The following WRN variants were observed in gnomAD, a reference collection of about 807,000 sequenced individuals.
WRN encodes WRN RecQ like helicase.
Under a neutral mutation model 180.7 loss-of-function variants are expected in WRN, and 149 were observed. That is an observed-to-expected ratio of 0.82 (90% CI 0.72 to 0.94). WRN has a LOEUF of 0.94. WRN is among the 40% of genes least tolerant of loss of function. The pLI is 0.00. For missense variants in WRN, 1,661 were observed against 1,700.1 expected (o/e 0.98, Z 0.40); for synonymous variants, 548 against 568.9 (o/e 0.96, Z 0.52).
intron 3 of WRN, 110 bp from the exon 4 acceptor site, chr8:31,064,179 G>C: frequency 8.1e-7 from 1 of 1,236,872 alleles, no homozygotes; most frequent in Non-Finnish European, 1.1e-6. Flanking sequence ...ATGTGCTCCA[G>C]ATAACTTGAA....
At chr8:31,118,242 G>T (rs1216939345) in intron 20 of WRN, among the ~76,000 whole-genome samples, 1 of 152,064 alleles carries the variant, frequency 6.6e-6, no homozygotes, top group African/African-American at 2.4e-5. Context: ...AAGAGTATAT[G>T]CATGTATGTG....
At chr8:31,090,693 C>T in intron 14 of WRN, 141 bp from the exon 15 acceptor site, 1 of 1,041,058 alleles carries the variant, frequency 9.6e-7, no homozygotes, top group Admixed American at 2.5e-5. Flanking sequence ...ATTTATGTAT[C>T]AATTAGCTTT....
intron 12 of WRN, 76 bp from the exon 13 acceptor site, chr8:31,088,814 A>G (rs1330043768): frequency 4.9e-6 from 6 of 1,236,640 alleles, no homozygotes; most frequent in Admixed American, 2.0e-5. Flanking sequence ...AAAGAAGCCA[A>G]TGAAATAAAC....
chr8:31,138,389 A>G (rs949051116), intron 24 of WRN, among the ~76,000 whole-genome samples: 6 of 152,202 alleles, frequency 3.9e-5, no homozygotes, highest in Non-Finnish European at 5.9e-5. Context: ...AATGATTACT[A>G]TAATGAAACT....
At position 31,039,257 on chromosome 8, in the gene WRN, A is replaced by G. The variant is rs145903525; in HGVS notation, c.-77+5284A>G. Among the ~76,000 whole-genome samples the G allele has an allele frequency of 2.1e-3, 318 of 152,308 alleles. 2 individuals carry two copies. The highest frequency in any genetic ancestry group is 0.01 in the Middle Eastern group (3 of 294). On this transcript the variant is annotated intron_variant, in intron 1 of 34. Transcript: ENST00000298139. ...TTAATTTCTTTCAGCAGCATTCTGT[A>G]GTTTTCAGAGTACACGTTTTTCACC...
chr8:31,130,036 A>AAAAAAAG (rs1585498296), intron 23 of WRN, among the ~76,000 whole-genome samples: 7 of 149,586 alleles, frequency 4.7e-5, no homozygotes, highest in African/African-American at 1.5e-4. Context: ...AAAAAAAAAA[A>AAAAAAAG]CTAGTAAGAG....
rs200890995 is a variant in WRN at position 31,169,250 on chromosome 8, GTATT to G, written c.4191+2026_4191+2029del. On this transcript the variant is annotated intron_variant, in intron 34 of 34. Coordinates refer to ENST00000298139, the MANE Select transcript of WRN (RefSeq NM_000553.6). ...CTTCTATTTCTCTTTTAACATAATT[GTATT>G]TATTTCTGTATTCCACATAGCTTAG... Among the ~76,000 whole-genome samples, 57 of 148,742 alleles carry G rather than the reference GTATT, an allele frequency of 3.8e-4. No individual in the cohort carries two copies. The East Asian group carries it at 0.011, about 28-fold the overall frequency.
intron 8 of WRN, among the ~76,000 whole-genome samples, chr8:31,078,503 AATC>A (rs1427481629): frequency 6.6e-6 from 1 of 152,218 alleles, no homozygotes; most frequent in Non-Finnish European, 1.5e-5. Context: ...GTAAATAAGT[AATC>A]ATATTCACAT....
At chr8:31,171,746 C>T (rs1382702855) in intron 34 of WRN, among the ~76,000 whole-genome samples, 1 of 152,178 alleles carries the variant, frequency 6.6e-6, no homozygotes, top group African/African-American at 2.4e-5. Flanking sequence ...GGATCTTTTG[C>T]TGTTTTCCTA....
chr8:31,113,278 T>A (rs544670511), intron 19 of WRN, among the ~76,000 whole-genome samples: 1 of 151,500 alleles, frequency 6.6e-6, no homozygotes, highest in South Asian at 2.1e-4. Context: ...AAGAACATCA[T>A]TGGTGTTTTC....
chr8:31,163,738 C>G (rs1055214789), intron 33 of WRN, among the ~76,000 whole-genome samples: 1 of 151,914 alleles, frequency 6.6e-6, no homozygotes, highest in Non-Finnish European at 1.5e-5. Context: ...AAAAACTTAT[C>G]CTTCGGTTAA....
chr8:31,103,264 CTA>C, intron 18 of WRN, among the ~76,000 whole-genome samples: 1 of 152,136 alleles, frequency 6.6e-6, no homozygotes, highest in African/African-American at 2.4e-5. Flanking sequence ...GGAGTATACT[CTA>C]AAATAATGGA....
chr8:31,131,347 G>T (rs576689702), intron 23 of WRN, among the ~76,000 whole-genome samples: 2 of 151,940 alleles, frequency 1.3e-5, no homozygotes, highest in South Asian at 4.2e-4. Flanking sequence ...GTAGAGATGG[G>T]TTTTCACCAT....
intron 33 of WRN, among the ~76,000 whole-genome samples, chr8:31,159,342 G>A (rs2737344): frequency 0.71 from 107,541 of 151,140 alleles, 38,548 homozygotes; most frequent in East Asian, 0.89. Flanking sequence ...AGACGCTGGG[G>A]ACTACTGAGG....
intron 27 of WRN, among the ~76,000 whole-genome samples, chr8:31,143,171 A>G (rs1181591000): frequency 6.6e-6 from 1 of 152,136 alleles, no homozygotes; most frequent in African/African-American, 2.4e-5. Context: ...ATCCACTGGC[A>G]GACTTCAGCT....
At position 31,054,528 on chromosome 8, in the gene WRN, C is replaced by G. The variant is rs572621238; in HGVS notation, c.-76-3844C>G. On this transcript the variant is annotated intron_variant, in intron 1 of 34. Transcript: ENST00000298139. ...CATGAGCCACTGTGCCTGGCCAAAA[C>G]CAAAATTAAGCAACAAAACAACAAC... 3.3e-5 allele frequency among the ~76,000 whole-genome samples: 5 copies of G among 151,914 alleles called. No individual in the cohort carries two copies. In the South Asian group the frequency reaches 1.0e-3, roughly 32 times the overall value.
rs1801861589 is a variant in WRN at position 31,124,960 on chromosome 8, A to G, written c.2785A>G (p.Ile929Val). ...ACAAGTACAAAAAGCCTCCTTGGGA[A>G]TTATGGGAACTGAAAAATGCTGTGA... ...DKQVQKASLGIMGTEKCCDNC... is the reference protein window; with the variant it reads ...DKQVQKASLGVMGTEKCCDNC... The change falls in exon 23 of 35, where the codon ATT (isoleucine) becomes GTT (valine). Residue 929 changes from isoleucine to valine, a missense_variant. Transcript: ENST00000298139. The G allele has an allele frequency of 2.5e-6, 4 of 1,613,200 alleles. No individual in the cohort carries two copies. The highest frequency in any genetic ancestry group is 3.4e-6 in the Non-Finnish European group (4 of 1,179,480).
chr8:31,093,254 T>C (rs938494174), intron 16 of WRN, among the ~76,000 whole-genome samples: 2 of 152,232 alleles, frequency 1.3e-5, no homozygotes, highest in African/African-American at 4.8e-5. Context: ...TTTCATTTTA[T>C]TGATACATGT....
In WRN at chr8:31,081,221, A is replaced by G. The variant is rs1554520972; in HGVS notation, c.1194A>G (p.Thr398=). ...ERACLMSLDI[T]EHELQILEQQ... ...CTTGTTTGATGTCGTTAGATATTACAGAACATGAACTCCAAATTTTGGAAC... is the reference window on the plus strand; with the variant it reads ...CTTGTTTGATGTCGTTAGATATTACGGAACATGAACTCCAAATTTTGGAAC... Residue 398 remains threonine (T), a synonymous_variant, in exon 9 of 35, where the codon ACA becomes ACG. Transcript: ENST00000298139. 6.2e-7 allele frequency: 1 copy of G among 1,613,474 alleles called. No homozygotes were observed. The highest frequency in any genetic ancestry group is 8.5e-7 in the Non-Finnish European group (1 of 1,179,562).
Sources: gnomAD v4.1 joint callset for allele counts (sites outside exome capture counted in the v4.1 genomes callset) on GRCh38, gnomAD v4.1.1 for gene constraint, MANE v1.5 for transcripts, NCBI Gene and HGNC (gene_info 2026-07-23, HGNC 2026-07-21) for gene names.